The following AKAP11 variants were observed in gnomAD, a reference collection of about 807,000 sequenced individuals.
AKAP11 encodes A-kinase anchoring protein 11, also known as A-kinase anchor protein 11.
A neutral mutation model predicts 146.1 loss-of-function variants in AKAP11; 36 were observed. That is an observed-to-expected ratio of 0.25 (90% CI 0.19 to 0.33). AKAP11 has a LOEUF of 0.33. Ranked by LOEUF, AKAP11 falls within the 10% of genes least tolerant of loss-of-function variation. The pLI, the probability that AKAP11 is intolerant of heterozygous loss-of-function variation, is 1.00. For missense variants in AKAP11, 2,201 were observed against 2,197.0 expected, an observed-to-expected ratio of 1.00 and a Z score of -0.04; for synonymous variants, 780 against 786.5, an observed-to-expected ratio of 0.99 and a Z score of 0.14.
intron 1 of AKAP11, among the ~76,000 whole-genome samples, chr13:42,277,486 G>C (rs927832898): frequency 2.0e-5 from 3 of 152,156 alleles, no homozygotes; most frequent in Admixed American, 2.0e-4. Context: ...AATACCAGTG[G>C]CTAGTTGGGC....
chr13:42,301,452 A>G lies in AKAP11; in HGVS notation c.2706A>G (p.Glu902=). 6.2e-7 allele frequency: 1 copy of G among 1,613,472 alleles called. No homozygotes were observed. The highest frequency in any genetic ancestry group is 8.5e-7 in the Non-Finnish European group (1 of 1,179,806). The part of the protein sequence containing the change: ...TSLEVTKMVD[E]RTDYLTKSLK... ...TGGAAGTTACAAAAATGGTTGATGA[A>G]CGTACAGATTATTTAACTAAATCTT... The change falls in exon 8 of 13, where the codon GAA becomes GAG. Residue 902 remains glutamate, a synonymous_variant. Coordinates refer to ENST00000025301, the MANE Select transcript of AKAP11 (RefSeq NM_016248.4).
chr13:42,289,939 C>A (rs1959193109), intron 3 of AKAP11, among the ~76,000 whole-genome samples: 1 of 152,114 alleles, frequency 6.6e-6, no homozygotes, highest in South Asian at 2.1e-4. Flanking sequence ...CAGATTCACC[C>A]TCGGTTAGCA....
chr13:42,296,019 G>A (rs1959493198), intron 5 of AKAP11, among the ~76,000 whole-genome samples: 1 of 152,130 alleles, frequency 6.6e-6, no homozygotes, highest in Admixed American at 6.5e-5. Context: ...CAAAAATTTA[G>A]CCTGTTTGAT....
In AKAP11 at chr13:42,317,749, GTGATTGGTCTAACAAGA is replaced by G. The variant is rs563216363; in HGVS notation, c.5565+64_5565+80del. ...TAACAGTATATGATGTTCTTGTCATGTGATTGGTCTAACAAGATGCCTGGTGATGGTTAAATTCTTAG... is the reference window on the plus strand; with the variant it reads ...TAACAGTATATGATGTTCTTGTCATGTGCCTGGTGATGGTTAAATTCTTAG... On this transcript the variant is annotated intron_variant, in intron 12 of 12. Transcript: ENST00000025301. 196 of 1,542,514 alleles carry G rather than the reference GTGATTGGTCTAACAAGA, an allele frequency of 1.3e-4. No individual in the cohort carries two copies. The East Asian group carries it at 4.0e-3, about 32-fold the overall frequency.
At chr13:42,284,232 A>G (rs1329946695) in intron 1 of AKAP11, among the ~76,000 whole-genome samples, 1 of 152,230 alleles carries the variant, frequency 6.6e-6, no homozygotes, top group Non-Finnish European at 1.5e-5. Flanking sequence ...AATAAACTAG[A>G]TGCTCTAGGA....
Position 42,308,486 on chromosome 13 carries a change from A to C in AKAP11, c.5150A>C (p.Glu1717Ala). 6.2e-7 allele frequency: 1 copy of C among 1,605,398 alleles called. No individual in the cohort carries two copies. Among genetic ancestry groups the C allele is most frequent in the East Asian group, 2.2e-5 (1 of 44,798 alleles). Residue 1717 changes from glutamate to alanine, a missense_variant, in exon 9 of 13, where the codon GAG (glutamate) becomes GCG (alanine). Glu to Ala is a moderately radical substitution (Grantham distance 107). Transcript: ENST00000025301. ...GAAATAGAAGACTTTCAGTCAACCG[A>C]GTCTGTCAGTAGCCAGCAGATGAAC... The part of the protein sequence containing the change: ...SKEIEDFQST[E>A]SVSSQQMNLS...
chr13:42,275,739 C>T (rs559265458), intron 1 of AKAP11, among the ~76,000 whole-genome samples: 7 of 152,242 alleles, frequency 4.6e-5, no homozygotes, highest in African/African-American at 1.4e-4. Flanking sequence ...TTTTCCTATG[C>T]GTAGAATGGG....
chr13:42,282,723 G>T (rs1331536354), intron 1 of AKAP11, among the ~76,000 whole-genome samples: 1 of 152,112 alleles, frequency 6.6e-6, no homozygotes, highest in Non-Finnish European at 1.5e-5. Flanking sequence ...TTTGTTTAGT[G>T]ATAGTTTTCT....
chr13:42,300,756 G>T lies in AKAP11; in HGVS notation c.2010G>T (p.Thr670=), dbSNP rs756215941. 9 of 1,613,894 alleles carry T rather than the reference G, an allele frequency of 5.6e-6. No individual in the cohort carries two copies. The highest frequency in any genetic ancestry group is 1.7e-5 in the Admixed American group (1 of 59,986). Residue 670 remains threonine (T), a synonymous_variant, in exon 8 of 13, where the codon ACG becomes ACT. Transcript: ENST00000025301. ...MEVCQFSYPQ[T]PASPQCGSFD... ...TGTGTCAGTTTTCATATCCTCAAAC[G>T]CCTGCATCTCCACAGTGTGGGTCGT...
At chr13:42,289,422 G>T (rs1216036950) in intron 3 of AKAP11, among the ~76,000 whole-genome samples, 2 of 152,078 alleles carry the variant, frequency 1.3e-5, no homozygotes, top group Non-Finnish European at 2.9e-5. Context: ...TGGACTCATG[G>T]ATTTTTGCAG....
chr13:42,296,989 A>G lies in AKAP11; in HGVS notation c.217-59A>G, dbSNP rs867540235. On this transcript the variant is annotated intron_variant, in intron 5 of 12. Coordinates refer to ENST00000025301, the MANE Select transcript of AKAP11 (RefSeq NM_016248.4). ...AATTTTTGGATAGGGTCCACATTAT[A>G]GGAACCTTAACAAAAGTGTTACTCT... 3.4e-6 allele frequency: 5 copies of G among 1,479,646 alleles called. No individual in the cohort carries two copies. In the Middle Eastern group the frequency reaches 9.9e-4, roughly 293 times the overall value. 91.7% of individuals were successfully genotyped at this position (1,479,646 alleles called of 1,614,324 possible).
intron 3 of AKAP11, among the ~76,000 whole-genome samples, chr13:42,289,760 G>A (rs1594314524): frequency 6.6e-6 from 1 of 151,876 alleles, no homozygotes; most frequent in Admixed American, 6.6e-5. Flanking sequence ...GACAGTTCAC[G>A]TTCAGATTTC....
rs938438028 is a variant in AKAP11 at position 42,295,567 on chromosome 13, G to C, written c.169-128G>C. The C allele has an allele frequency of 1.7e-5, 15 of 858,008 alleles. No individual in the cohort carries two copies. The African/African-American group carries it at 3.3e-4, about 19-fold the overall frequency. 53.1% of individuals were successfully genotyped at this position (858,008 alleles called of 1,614,324 possible). ...TGAAAAATATTTTTGGGTCATCTTT[G>C]AAAAAAATCCTTTTCAAGCAGACAG... On this transcript the variant is annotated intron_variant, in intron 4 of 12. Coordinates refer to ENST00000025301, the MANE Select transcript of AKAP11 (RefSeq NM_016248.4).
intron 3 of AKAP11, among the ~76,000 whole-genome samples, chr13:42,291,292 G>C (rs1054615976): frequency 6.6e-6 from 1 of 152,152 alleles, no homozygotes; most frequent in African/African-American, 2.4e-5. Context: ...TCACTCTGTC[G>C]CCCAGGCTGG....
intron 1 of AKAP11, among the ~76,000 whole-genome samples, chr13:42,277,440 T>G (rs1294413758): frequency 6.6e-6 from 1 of 152,214 alleles, no homozygotes; most frequent in Non-Finnish European, 1.5e-5. Flanking sequence ...CATTCACACT[T>G]AGTACTTTGT....
chr13:42,282,737 T>C (rs1262234542), intron 1 of AKAP11, among the ~76,000 whole-genome samples: 1 of 152,220 alleles, frequency 6.6e-6, no homozygotes, highest in African/African-American at 2.4e-5. Context: ...GTTTTCTGTG[T>C]GTTTCCTGAG....
intron 10 of AKAP11, 30 bp downstream of exon 10, chr13:42,313,160 A>T (rs1960645625): frequency 6.5e-7 from 1 of 1,534,206 alleles, no homozygotes; most frequent in African/African-American, 1.4e-5. Context: ...TTAAAAACTG[A>T]TGAGTCTGTC....
rs1451142491 is a variant in AKAP11, at chr13:42,303,234, A to T, written c.4488A>T (p.Glu1496Asp). 1 of 1,613,958 alleles carries T rather than the reference A, an allele frequency of 6.2e-7. No homozygotes were observed. The highest frequency in any genetic ancestry group is 1.3e-5 in the African/African-American group (1 of 74,934). Residue 1496 changes from glutamate (E) to aspartate (D), a missense_variant, in exon 8 of 13, where the codon GAA becomes GAT. Around this residue, in one of 3 missense-constraint regions of AKAP11, gnomAD observed 1,867 missense variants for 1,833.5 expected, o/e 1.02. Coordinates refer to ENST00000025301, the MANE Select transcript of AKAP11 (RefSeq NM_016248.4). ...DSCLFEKSGY[E>D]EDNECHVTPE... ...GCTTGTTTGAAAAATCTGGATATGA[A>T]GAAGATAATGAGTGTCACGTTACAC...
At chr13:42,308,639 GT>G in intron 9 of AKAP11, 30 bp downstream of exon 9, 1 of 1,559,650 alleles carries the variant, frequency 6.4e-7, no homozygotes, top group Non-Finnish European at 8.7e-7. Flanking sequence ...TAATTGTGTA[GT>G]TTAGGTCCTC....
Sources: gnomAD v4.1 joint callset for allele counts (sites outside exome capture counted in the v4.1 genomes callset) on GRCh38, gnomAD v4.1.1 for gene constraint, gnomAD v4.1.1 regional missense constraint, MANE v1.5 for transcripts, NCBI Gene and HGNC (gene_info 2026-07-23, HGNC 2026-07-21) for gene names.